The following TBCD variants were observed in gnomAD, a reference collection of about 807,000 sequenced individuals.
TBCD encodes tubulin-specific chaperone D.
A neutral mutation model predicts 169.3 loss-of-function variants in TBCD; 105 were observed. The observed-to-expected ratio is 0.62, with a 90% confidence interval of 0.53 to 0.73. TBCD has a LOEUF of 0.73. Ranked by LOEUF, TBCD falls within the 30% of genes least tolerant of loss-of-function variation. The probability of loss-of-function intolerance (pLI) is 0.00; values close to 1 mark genes in which losing one functional copy is unlikely to be tolerated. For missense variants in TBCD, 1,444 were observed against 1,600.1 expected (o/e 0.90, Z 1.66); for synonymous variants, 700 against 643.9 (o/e 1.09, Z -1.32).
intron 11 of TBCD, 71 bp from the exon 12 acceptor site, chr17:82,809,637 C>A: frequency 6.7e-7 from 1 of 1,502,238 alleles, no homozygotes; most frequent in Non-Finnish European, 9.1e-7. Flanking sequence ...TCAGGCCATT[C>A]ACACGTGTCA....
rs1006893833 is a variant in TBCD at position 82,792,146 on chromosome 17, A to G, written c.772-5611A>G. On this transcript the variant is annotated intron_variant, in intron 7 of 38. Transcript: ENST00000355528. ...AAAATGGTGAAACCCCATCTCTACT[A>G]AAAATACAAAAATTAGCCGGGCGTG... is the stretch of plus-strand genomic sequence containing the variant. Among the ~76,000 whole-genome samples, 10 of 152,222 alleles carry G rather than the reference A, an allele frequency of 6.6e-5. No individual in the cohort carries two copies. The East Asian group carries it at 1.5e-3, about 24-fold the overall frequency.
intron 7 of TBCD, among the ~76,000 whole-genome samples, chr17:82,794,690 C>T (rs1221652578): frequency 6.6e-6 from 1 of 152,212 alleles, no homozygotes; most frequent in Non-Finnish European, 1.5e-5. Context: ...GTGAAGATGG[C>T]CTTACTTTTC....
chr17:82,911,682 A>G, intron 22 of TBCD, 76 bp from the exon 23 acceptor site: 1 of 1,421,576 alleles, frequency 7.0e-7, no homozygotes, highest in Non-Finnish European at 9.9e-7. Context: ...GCCTGAGGTT[A>G]CATTGGCAAG....
chr17:82,935,056 T>A (rs917029683), intron 34 of TBCD, among the ~76,000 whole-genome samples: 10 of 139,154 alleles, frequency 7.2e-5, no homozygotes, highest in Non-Finnish European at 1.1e-4. Context: ...ACAGCCAGAC[T>A]CTGTTTCAAA....
chr17:82,930,748 G>C lies in TBCD; in HGVS notation c.3113+105G>C. Reference sequence around the variant, plus strand: ...TCGCAGGGTCTGTCTGGGGTCTGAAGGGAGAAGCGAGACACACGCTGTACC... The same window carrying C: ...TCGCAGGGTCTGTCTGGGGTCTGAACGGAGAAGCGAGACACACGCTGTACC... On this transcript the variant is annotated intron_variant, in intron 33 of 38. Coordinates refer to ENST00000355528, the MANE Select transcript of TBCD (RefSeq NM_005993.5). The surrounding 1 kb of genome is among the most constrained non-coding windows in gnomAD (Gnocchi z 5.2). 1 of 1,537,040 alleles carries C rather than the reference G, an allele frequency of 6.5e-7. No individual in the cohort carries two copies.
chr17:82,903,438 CA>C lies in TBCD; in HGVS notation c.1766del (p.Asn589ThrfsTer21). 1 of 1,604,048 alleles carries C rather than the reference CA, an allele frequency of 6.2e-7. No individual in the cohort carries two copies. Among genetic ancestry groups the C allele is most frequent in the Admixed American group, 1.7e-5 (1 of 58,736 alleles). On this transcript the variant is annotated frameshift_variant, in exon 19 of 39. Transcript: ENST00000355528. LOFTEE classifies it high-confidence loss of function. The surrounding 1 kb of genome is among the most constrained non-coding windows in gnomAD (Gnocchi z 4.8). ...IRELAARALH[N>X]LAQQAPEFSA... The stretch of plus-strand genomic sequence containing the variant: ...GAGAGTTGGCTGCGAGGGCGCTGCA[CA>C]ACCTGGCCCAGCAGGCACCCGAGTT...
chr17:82,884,334 A>T lies in TBCD; in HGVS notation c.1533+132A>T. 1.2e-6 allele frequency: 1 copy of T among 834,680 alleles called. No homozygotes were observed. The highest frequency in any genetic ancestry group is 1.5e-5 in the South Asian group (1 of 67,566). The allele number at this position is 834,680 out of a possible 1,614,324, so 51.7% of individuals were successfully genotyped here. On this transcript the variant is annotated intron_variant, in intron 15 of 38. Coordinates refer to ENST00000355528, the MANE Select transcript of TBCD (RefSeq NM_005993.5). This position sits in a 1 kb window ranked among gnomAD's most constrained non-coding sequence, Gnocchi z 4.2. ...CAGGAGCCGCGAGGGAGCTGCTGAG[A>T]GTGCCAGCTGCGGGCAGGCCACTGG...
intron 4 of TBCD, 67 bp from the exon 5 acceptor site, chr17:82,768,353 G>A: frequency 6.3e-7 from 1 of 1,591,696 alleles, no homozygotes; most frequent in Non-Finnish European, 8.6e-7. Context: ...GTGACTTTGA[G>A]TAGATTGTGG....
rs905548483 is a variant in TBCD at position 82,930,233 on chromosome 17, C to T, written c.2992-289C>T. The T allele has an allele frequency of 3.7e-5, 16 of 433,058 alleles. No individual in the cohort carries two copies. Among genetic ancestry groups the T allele is most frequent in the South Asian group, 3.6e-4 (11 of 30,530 alleles). The allele number at this position is 433,058 out of a possible 1,614,324, so 26.8% of individuals were successfully genotyped here. A position where few individuals can be genotyped will look rare whatever the true frequency, so the allele number is the denominator to read the frequency against. ...ATCCCGCTTCAGTGGGAAACGTGAGCGAAACCCAAGGTGAGTGGCCGCAGC... is the reference window on the plus strand; with the variant it reads ...ATCCCGCTTCAGTGGGAAACGTGAGTGAAACCCAAGGTGAGTGGCCGCAGC... On this transcript the variant is annotated intron_variant, in intron 32 of 38. Coordinates refer to ENST00000355528, the MANE Select transcript of TBCD (RefSeq NM_005993.5). This position sits in a 1 kb window ranked among gnomAD's most constrained non-coding sequence, Gnocchi z 5.2.
chr17:82,928,064 C>A, intron 30 of TBCD, 76 bp downstream of exon 30: 1 of 1,380,598 alleles, frequency 7.2e-7, no homozygotes, highest in Non-Finnish European at 1.0e-6. Context: ...GGCGGGCGGT[C>A]CTGGTGCTCA....
At position 82,850,067 on chromosome 17, in the gene TBCD, TG is replaced by T. The variant is rs1164425015; in HGVS notation, c.1319-20156del. 1.4e-3 allele frequency among the ~76,000 whole-genome samples: 95 copies of T among 65,866 alleles called. 4 individuals are homozygous for T. The highest frequency in any genetic ancestry group is 2.3e-3 in the African/African-American group (33 of 14,458). 43.2% of individuals were successfully genotyped at this position (65,866 alleles called of 152,430 possible). Reference sequence around the variant, plus strand: ...GCTGTGCTGTTGTTGGCTGTGCTGCTGTTGGCTGTGCTGTGCTGCTGTTGGC... The same window carrying T: ...GCTGTGCTGTTGTTGGCTGTGCTGCTTTGGCTGTGCTGTGCTGCTGTTGGC... On this transcript the variant is annotated intron_variant, in intron 13 of 38. Coordinates refer to ENST00000355528, the MANE Select transcript of TBCD (RefSeq NM_005993.5).
intron 7 of TBCD, 59 bp downstream of exon 7, chr17:82,781,780 C>T: frequency 6.3e-7 from 1 of 1,593,380 alleles, no homozygotes; most frequent in Non-Finnish European, 8.6e-7. Context: ...TACATGGGGA[C>T]CACGGAATGA....
In TBCD at chr17:82,864,862, CCG is replaced by C. The variant is rs1332812264; in HGVS notation, c.1319-5361_1319-5360del. On this transcript the variant is annotated intron_variant, in intron 13 of 38. Coordinates refer to ENST00000355528, the MANE Select transcript of TBCD (RefSeq NM_005993.5). This position sits in a 1 kb window ranked among gnomAD's most constrained non-coding sequence, Gnocchi z 6.3. ...GGGGGCCTGCTCACTCCCCGGGGCA[CCG>C]TGGGGACAGCGGGGGCCTGCTCACT... 4.3e-4 allele frequency among the ~76,000 whole-genome samples: 19 copies of C among 43,944 alleles called. No individual in the cohort carries two copies. Among genetic ancestry groups the C allele is most frequent in the South Asian group, 1.4e-3 (2 of 1,440 alleles). 28.8% of individuals were successfully genotyped at this position (43,944 alleles called of 152,430 possible). A position where few individuals can be genotyped will look rare whatever the true frequency, so the allele number is the denominator to read the frequency against.
At position 82,874,302 on chromosome 17, in the gene TBCD, A is replaced by G. The variant is rs78428878; in HGVS notation, c.1475+3922A>G. Among the ~76,000 whole-genome samples the G allele has an allele frequency of 0.012, 1,827 of 152,096 alleles. 52 individuals carry two copies. Among genetic ancestry groups the G allele is most frequent in the African/African-American group, 0.042 (1,735 of 41,486 alleles). The stretch of plus-strand genomic sequence containing the variant: ...CTTGAAGAAGGATGTGAGTTTCTGG[A>G]GTAGCCTGGACTGCACAGCCAGGGC... On this transcript the variant is annotated intron_variant, in intron 14 of 38. Transcript: ENST00000355528. This position sits in a 1 kb window ranked among gnomAD's most constrained non-coding sequence, Gnocchi z 5.0.
At chr17:82,917,651 A>G (rs9902635) in intron 23 of TBCD, among the ~76,000 whole-genome samples, 87,323 of 152,086 alleles carry the variant, frequency 0.57, 25,219 homozygotes, top group East Asian at 0.74. Flanking sequence ...GGTCACCTCC[A>G]TTGGGTTTTG....
intron 5 of TBCD, 95 bp from the exon 6 acceptor site, chr17:82,772,357 G>T (rs1382182109): frequency 1.5e-6 from 2 of 1,299,950 alleles, no homozygotes; most frequent in Admixed American, 1.7e-5. Flanking sequence ...CTGGGCCCTC[G>T]GGGAGCTGGT....
chr17:82,831,550 T>A lies in TBCD; in HGVS notation c.1318+16616T>A. On this transcript the variant is annotated intron_variant, in intron 13 of 38. Coordinates refer to ENST00000355528, the MANE Select transcript of TBCD (RefSeq NM_005993.5). The surrounding 1 kb of genome is among the most constrained non-coding windows in gnomAD (Gnocchi z 4.6). ...TTGCTGGAAAAACCTGTAGTGATCG[T>A]ATGTGGCTGGAGATGGAGCCAGGTG... The A allele has an allele frequency of 1.2e-6, 2 of 1,614,016 alleles. No homozygotes were observed. The highest frequency in any genetic ancestry group is 8.5e-7 in the Non-Finnish European group (1 of 1,179,990).
chr17:82,811,650 G>A (rs2051452175), intron 12 of TBCD, among the ~76,000 whole-genome samples: 1 of 152,056 alleles, frequency 6.6e-6, no homozygotes, highest in Non-Finnish European at 1.5e-5. Context: ...ATAAAAAGGC[G>A]GCTCTGGACA....
chr17:82,823,735 A>G lies in TBCD; in HGVS notation c.1318+8801A>G, dbSNP rs1323047772. The stretch of plus-strand genomic sequence containing the variant: ...CATATAATTCACCCATTTAAAATAT[A>G]TAGTTCCATGGTTTTTAGAATATTC... On this transcript the variant is annotated intron_variant, in intron 13 of 38. Transcript: ENST00000355528. Among the ~76,000 whole-genome samples, 4 of 152,196 alleles carry G rather than the reference A, an allele frequency of 2.6e-5. No individual in the cohort carries two copies. In the South Asian group the frequency reaches 6.2e-4, roughly 24 times the overall value.
Sources: gnomAD v4.1 joint callset for allele counts (sites outside exome capture counted in the v4.1 genomes callset) on GRCh38, gnomAD v4.1.1 for gene constraint, Gnocchi (gnomAD v3.1) non-coding constraint, MANE v1.5 for transcripts, NCBI Gene and HGNC (gene_info 2026-07-23, HGNC 2026-07-21) for gene names.